CSMD1: variants seen among roughly 807,000 people sequenced by gnomAD.
CSMD1 encodes CUB and Sushi multiple domains 1.
In CSMD1, 213 loss-of-function variants were observed where a neutral mutation model predicts 417.5. The observed-to-expected ratio is 0.51, with a 90% CI of 0.46 to 0.57. The LOEUF (loss-of-function observed/expected upper bound fraction) is 0.57, where lower values mean the gene tolerates loss of function less well. CSMD1 is among the 20% of genes least tolerant of loss of function. The pLI is 0.00. For missense variants in CSMD1, 6,923 were observed against 4,529.7 expected (o/e 1.53, Z -15.17); for synonymous variants, 2,862 against 1,736.8 (o/e 1.65, Z -16.11).
Position 3,872,495 on chromosome 8 carries a change from C to G in CSMD1, c.819-118453G>C, listed in dbSNP as rs577352962. Among the ~76,000 whole-genome samples, 314 of 152,322 alleles carry G rather than the reference C, an allele frequency of 2.1e-3. 2 individuals are homozygous for G. Among genetic ancestry groups the G allele is most frequent in the African/African-American group, 7.3e-3 (305 of 41,564 alleles). On this transcript the variant is annotated intron_variant, in intron 5 of 69. Coordinates refer to ENST00000635120, the MANE Select transcript of CSMD1 (RefSeq NM_033225.6). ...GGACAAGGCAGGTAAAATGTGCTCC[C>G]TGGTGCCTGAACTAGGTAATGTTCT...
intron 3 of CSMD1, among the ~76,000 whole-genome samples, chr8:4,276,533 T>A (rs897291784): frequency 6.6e-6 from 1 of 152,088 alleles, no homozygotes; most frequent in African/African-American, 2.4e-5. Context: ...ATGGCACATG[T>A]TTAACTACGT....
chr8:3,174,272 T>C (rs903196149), intron 37 of CSMD1, among the ~76,000 whole-genome samples: 4 of 152,200 alleles, frequency 2.6e-5, no homozygotes, highest in African/African-American at 7.2e-5. Context: ...GGTGCAAAGA[T>C]GGCTTAAGCT....
At chr8:4,087,066 G>A (rs1339751016) in intron 3 of CSMD1, among the ~76,000 whole-genome samples, 1 of 152,194 alleles carries the variant, frequency 6.6e-6, no homozygotes, top group African/African-American at 2.4e-5. Flanking sequence ...TAGCCCAAGA[G>A]AGATGCGTCA....
At chr8:4,277,272 G>C (rs1304152943) in intron 3 of CSMD1, among the ~76,000 whole-genome samples, 1 of 151,908 alleles carries the variant, frequency 6.6e-6, no homozygotes, top group East Asian at 1.9e-4. Context: ...ATGAAGTTGG[G>C]TTGTATTCTG....
At chr8:3,657,123 G>T (rs984342864) in intron 7 of CSMD1, among the ~76,000 whole-genome samples, 1 of 152,046 alleles carries the variant, frequency 6.6e-6, no homozygotes, top group Admixed American at 6.5e-5. Flanking sequence ...GGAGAATATG[G>T]CATCATCTGT....
intron 3 of CSMD1, among the ~76,000 whole-genome samples, chr8:4,347,403 T>A (rs1800834716): frequency 6.6e-6 from 1 of 152,160 alleles, no homozygotes; most frequent in Admixed American, 6.5e-5. Context: ...CATTATCATT[T>A]AAAATAGGTA....
intron 1 of CSMD1, among the ~76,000 whole-genome samples, chr8:4,993,548 C>T (rs1389139583): frequency 6.6e-6 from 1 of 152,178 alleles, no homozygotes; most frequent in Non-Finnish European, 1.5e-5. Flanking sequence ...AAACCAAGCT[C>T]ACAGAGCCCC....
intron 1 of CSMD1, among the ~76,000 whole-genome samples, chr8:4,909,628 G>C (rs1805527883): frequency 6.6e-6 from 1 of 152,144 alleles, no homozygotes; most frequent in Non-Finnish European, 1.5e-5. Flanking sequence ...GGGGTTCCTA[G>C]AAGTAAAGGC....
intron 16 of CSMD1, among the ~76,000 whole-genome samples, chr8:3,396,732 A>T (rs1219956724): frequency 6.6e-6 from 1 of 152,164 alleles, no homozygotes; most frequent in Non-Finnish European, 1.5e-5. Context: ...TCCCAAATAG[A>T]AAAAACTCAA....
intron 5 of CSMD1, among the ~76,000 whole-genome samples, chr8:3,964,655 G>A (rs898005476): frequency 6.6e-6 from 1 of 152,108 alleles, no homozygotes; most frequent in African/African-American, 2.4e-5. Flanking sequence ...TATTCAAGTT[G>A]AGGTGTCTCT....
At chr8:4,157,121 C>A (rs2131078369) in intron 3 of CSMD1, among the ~76,000 whole-genome samples, 1 of 152,236 alleles carries the variant, frequency 6.6e-6, no homozygotes, top group African/African-American at 2.4e-5. Flanking sequence ...TGTGGAAACC[C>A]TAAGAGTGTA....
At chr8:3,298,896 G>C (rs1278290293) in intron 25 of CSMD1, among the ~76,000 whole-genome samples, 2 of 152,120 alleles carry the variant, frequency 1.3e-5, no homozygotes, top group Non-Finnish European at 2.9e-5. Flanking sequence ...CTGAGTTCTG[G>C]TTACATGGGG....
chr8:3,906,359 A>T (rs906187796), intron 5 of CSMD1, among the ~76,000 whole-genome samples: 1 of 152,190 alleles, frequency 6.6e-6, no homozygotes, highest in Non-Finnish European at 1.5e-5. Context: ...TACCTGAGTC[A>T]CCTATAGTAT....
chr8:4,131,894 C>G (rs1350329700), intron 3 of CSMD1, among the ~76,000 whole-genome samples: 1 of 150,652 alleles, frequency 6.6e-6, no homozygotes, highest in Non-Finnish European at 1.5e-5. Context: ...TCCCATGTAG[C>G]TGGGACTACA....
chr8:3,298,372 T>G (rs1367037308), intron 25 of CSMD1, among the ~76,000 whole-genome samples: 2 of 152,154 alleles, frequency 1.3e-5, no homozygotes, highest in African/African-American at 4.8e-5. Flanking sequence ...ATAAATAAAT[T>G]ATATCAGGAA....
At chr8:4,751,285 T>C (rs1166961857) in intron 1 of CSMD1, among the ~76,000 whole-genome samples, 1 of 151,922 alleles carries the variant, frequency 6.6e-6, no homozygotes, top group Non-Finnish European at 1.5e-5. Flanking sequence ...CTTGGGAGGC[T>C]GAGGCAGGAG....
intron 12 of CSMD1, among the ~76,000 whole-genome samples, chr8:3,442,206 G>A (rs561731028): frequency 1.3e-4 from 19 of 149,852 alleles, no homozygotes; most frequent in East Asian, 3.9e-4. Flanking sequence ...AAAATGAAAA[G>A]GTTTATAAAG....
At chr8:3,769,526 A>C (rs1021947145) in intron 5 of CSMD1, among the ~76,000 whole-genome samples, 4 of 151,978 alleles carry the variant, frequency 2.6e-5, no homozygotes, top group African/African-American at 9.7e-5. Flanking sequence ...AATATCATTA[A>C]AATTAGTGAC....
chr8:3,496,756 G>C (rs1267162073), intron 10 of CSMD1, among the ~76,000 whole-genome samples: 1 of 152,054 alleles, frequency 6.6e-6, no homozygotes, highest in South Asian at 2.1e-4. Context: ...AACCTGGGAG[G>C]TGGAGGTTGC....
Sources: allele counts gnomAD v4.1 joint callset (sites outside exome capture counted in the v4.1 genomes callset), GRCh38; gene constraint gnomAD v4.1.1; transcripts MANE v1.5; gene names NCBI Gene and HGNC (gene_info 2026-07-23, HGNC 2026-07-21).